Variants in HGS observed in about 807,000 individuals in gnomAD.
HGS encodes the protein human growth factor-regulated tyrosine kinase substrate.
A neutral mutation model predicts 109.7 loss-of-function variants in HGS; 63 were observed. The observed-to-expected ratio is 0.57, with a 90% CI of 0.47 to 0.71. HGS has a LOEUF of 0.71. HGS is among the 30% of genes least tolerant of loss of function. The pLI is 0.00. For synonymous variants in HGS, 546 were observed against 437.3 expected (o/e 1.25, Z -3.10); for missense variants, 995 against 1,068.3 (o/e 0.93, Z 0.96).
In HGS at chr17:81,688,788, A is replaced by G. The variant is rs779178497; in HGVS notation, c.376A>G (p.Lys126Glu). 6.2e-7 allele frequency: 1 copy of G among 1,614,156 alleles called. No homozygotes were observed. Among genetic ancestry groups the G allele is most frequent in the Admixed American group, 1.7e-5 (1 of 60,022 alleles). Residue 126 changes from lysine (K) to glutamate (E), a missense_variant, in exon 5 of 22, where the codon AAG becomes GAG. Physicochemically the swap from Lys to Glu is moderately conservative, Grantham distance 56 (BLOSUM62 1). Around this residue, in one of 6 missense-constraint regions of HGS, gnomAD observed 182 missense variants for 261.3 expected, o/e 0.70. Transcript: ENST00000329138. ...AHAFRNEPKY[K>E]VVQDTYQIMK... ...TGCCTTCCGGAACGAGCCCAAGTAC[A>G]AGGTGGTCCAGGACACCTACCAGAT... is the stretch of plus-strand genomic sequence containing the variant.
chr17:81,700,444 C>T (rs1247589452), intron 18 of HGS, 23 bp from the exon 19 acceptor site: 7 of 1,523,848 alleles, frequency 4.6e-6, no homozygotes, highest in Non-Finnish European at 6.2e-6. Context: ...GCTGAACCAT[C>T]TCCCCTGTCT....
At chr17:81,685,796 C>A in intron 2 of HGS, 107 bp downstream of exon 2, 1 of 769,102 alleles carries the variant, frequency 1.3e-6, no homozygotes, top group East Asian at 2.6e-5. Flanking sequence ...GTGTTAGGCT[C>A]TTATGTGGAG....
At chr17:81,696,089 G>A in intron 15 of HGS, 90 bp downstream of exon 15, 1 of 1,160,484 alleles carries the variant, frequency 8.6e-7, no homozygotes, top group Non-Finnish European at 1.2e-6. Context: ...AGGGTGCTGA[G>A]CTCTTGTGAG....
At chr17:81,687,336 A>G (rs960403145) in intron 4 of HGS, among the ~76,000 whole-genome samples, 1 of 152,222 alleles carries the variant, frequency 6.6e-6, no homozygotes, top group African/African-American at 2.4e-5. Context: ...CTGGAGGACC[A>G]AGGTGACAGC....
intron 10 of HGS, 49 bp downstream of exon 10, chr17:81,693,801 G>T: frequency 6.5e-7 from 1 of 1,549,194 alleles, no homozygotes; most frequent in Admixed American, 1.9e-5. Context: ...AGCTCCCCTG[G>T]ATGTGCTGCG....
At chr17:81,686,977 A>G (rs771186932) in intron 3 of HGS, 26 bp from the exon 4 acceptor site, 1 of 1,599,856 alleles carries the variant, frequency 6.3e-7, no homozygotes, top group Non-Finnish European at 8.5e-7. Flanking sequence ...CACTGGCCCA[A>G]CCCTTCCCTT....
chr17:81,685,200 C>A, intron 1 of HGS: 1 of 393,956 alleles, frequency 2.5e-6, no homozygotes, highest in Non-Finnish European at 3.5e-6. Flanking sequence ...CCATTGAAAC[C>A]GGGAGCATCT....
intron 4 of HGS, among the ~76,000 whole-genome samples, chr17:81,687,408 A>G (rs1182755807): frequency 2.0e-5 from 3 of 152,038 alleles, no homozygotes; most frequent in Non-Finnish European, 4.4e-5. Context: ...GTCTTAGGGA[A>G]GGTGAGTAGA....
At chr17:81,686,526 A>G in intron 3 of HGS, 139 bp downstream of exon 3, 2 of 654,044 alleles carry the variant, frequency 3.1e-6, no homozygotes. Context: ...CTCAGCCTTG[A>G]GTGCCTGTGT....
At chr17:81,694,200 G>T in intron 11 of HGS, among the ~76,000 whole-genome samples, 1 of 152,200 alleles carries the variant, frequency 6.6e-6, no homozygotes, top group East Asian at 1.9e-4. Context: ...ACAGGCTGTG[G>T]GGGAGGCGCC....
In HGS at chr17:81,701,772, T is replaced by G. The variant is rs2037242365; in HGVS notation, c.*154T>G. ...GGCCTTCACCCCAAGCCCACCTCCC[T>G]TGTCCTCAGCCTACTGCAGTCCCTG... On this transcript the variant is annotated 3_prime_UTR_variant, in exon 22 of 22. Transcript: ENST00000329138. 4 of 1,152,068 alleles carry G rather than the reference T, an allele frequency of 3.5e-6. No homozygotes were observed. Among genetic ancestry groups the G allele is most frequent in the Non-Finnish European group, 4.7e-6 (4 of 844,912 alleles). The allele number at this position is 1,152,068 out of a possible 1,614,324, so 71.4% of individuals were successfully genotyped here.
At position 81,701,896 on chromosome 17, in the gene HGS, G is replaced by A. The variant is rs771191098; in HGVS notation, c.*278G>A. 1.3e-4 allele frequency: 45 copies of A among 343,112 alleles called. No homozygotes were observed. Among genetic ancestry groups the A allele is most frequent in the African/African-American group, 1.9e-4 (9 of 46,956 alleles). The allele number at this position is 343,112 out of a possible 1,614,324, so 21.3% of individuals were successfully genotyped here. A position where few individuals can be genotyped will look rare whatever the true frequency, so the allele number is the denominator to read the frequency against. The stretch of plus-strand genomic sequence containing the variant: ...GCCCTGTGGGTCATGGTCTGTGAGA[G>A]GTGGCAGGAATGGGGACCCTCACCC... On this transcript the variant is annotated 3_prime_UTR_variant, in exon 22 of 22. Coordinates refer to ENST00000329138, the MANE Select transcript of HGS (RefSeq NM_004712.5).
chr17:81,689,632 C>T (rs375969923), intron 5 of HGS, among the ~76,000 whole-genome samples: 15 of 152,250 alleles, frequency 9.9e-5, no homozygotes, highest in South Asian at 2.1e-4. Flanking sequence ...GGTGCGTCCC[C>T]GCTGCAGGAG....
intron 5 of HGS, among the ~76,000 whole-genome samples, chr17:81,689,320 G>C (rs2037029461): frequency 6.6e-6 from 1 of 152,248 alleles, no homozygotes; most frequent in South Asian, 2.1e-4. Context: ...AGGCTGTTGG[G>C]CTGGAGTTCA....
intron 1 of HGS, chr17:81,684,362 C>T (rs540801100): frequency 2.0e-5 from 7 of 348,034 alleles, no homozygotes; most frequent in African/African-American, 1.1e-4. Flanking sequence ...CGACCTCGCT[C>T]CTCCGCGGGC....
At chr17:81,694,172 T>C (rs1355633744) in intron 11 of HGS, among the ~76,000 whole-genome samples, 1 of 152,166 alleles carries the variant, frequency 6.6e-6, no homozygotes, top group Non-Finnish European at 1.5e-5. Context: ...GTTCGGCCCT[T>C]GGGACTGAGG....
chr17:81,695,365 C>G, intron 14 of HGS, 142 bp downstream of exon 14: 1 of 843,080 alleles, frequency 1.2e-6, no homozygotes, highest in Non-Finnish European at 1.9e-6. Flanking sequence ...CTGGCCTGCC[C>G]TGCCCTGCCC....
chr17:81,685,161 C>A, intron 1 of HGS: 1 of 691,318 alleles, frequency 1.4e-6, no homozygotes, highest in Non-Finnish European at 1.8e-6. Context: ...ACACTGCAGG[C>A]CTCTCTAGCC....
intron 18 of HGS, among the ~76,000 whole-genome samples, chr17:81,700,192 C>T (rs1189255066): frequency 1.3e-5 from 2 of 151,068 alleles, no homozygotes; most frequent in African/African-American, 4.9e-5. Context: ...TGATGAAACC[C>T]CATCTTTATT....
Sources: gnomAD v4.1 joint callset for allele counts (sites outside exome capture counted in the v4.1 genomes callset) on GRCh38, gnomAD v4.1.1 for gene constraint, gnomAD v4.1.1 regional missense constraint, MANE v1.5 for transcripts, NCBI Gene and HGNC (gene_info 2026-07-23, HGNC 2026-07-21) for gene names.